Variants in SEMA3C observed in about 807,000 individuals in gnomAD.
SEMA3C encodes the protein semaphorin 3C, also known as semaphorin-3C.
A neutral mutation model predicts 89.4 loss-of-function variants in SEMA3C; 47 were observed. The observed-to-expected ratio is 0.53, with a 90% CI of 0.42 to 0.67. The LOEUF (loss-of-function observed/expected upper bound fraction) is 0.67. Ranked by LOEUF, SEMA3C falls within the 30% of genes least tolerant of loss-of-function variation. The probability of loss-of-function intolerance (pLI) is 0.00; values close to 1 mark genes in which losing one functional copy is unlikely to be tolerated. For synonymous variants in SEMA3C, 310 were observed against 320.2 expected (o/e 0.97, Z 0.34); for missense variants, 839 against 929.1 (o/e 0.90, Z 1.26).
At chr7:80,899,773 A>G (rs976455934) in intron 2 of SEMA3C, among the ~76,000 whole-genome samples, 4 of 152,212 alleles carry the variant, frequency 2.6e-5, no homozygotes, top group African/African-American at 9.6e-5. Flanking sequence ...AAGACTGTCA[A>G]CTGAAGTCTA....
chr7:80,881,322 G>GT, intron 2 of SEMA3C, among the ~76,000 whole-genome samples: 1 of 152,058 alleles, frequency 6.6e-6, no homozygotes, highest in Non-Finnish European at 1.5e-5. Context: ...CTCTTAGCTG[G>GT]TTTTTTGTCA....
chr7:80,906,237 T>C (rs1792013023), intron 2 of SEMA3C, among the ~76,000 whole-genome samples: 1 of 152,224 alleles, frequency 6.6e-6, no homozygotes, highest in African/African-American at 2.4e-5. Flanking sequence ...TCTTTAGTTA[T>C]TAAAAATCTA....
chr7:80,847,939 T>A (rs1790428218), intron 2 of SEMA3C, among the ~76,000 whole-genome samples: 1 of 152,218 alleles, frequency 6.6e-6, no homozygotes. Flanking sequence ...ATTGGTCTTT[T>A]CTGATTTCAA....
intron 17 of SEMA3C, among the ~76,000 whole-genome samples, chr7:80,746,748 G>GTGTGT (rs1173019981): frequency 6.2e-5 from 1 of 16,072 alleles, no homozygotes; most frequent in South Asian, 2.2e-3. Context: ...TGTGTGTGTG[G>GTGTGT]AGGGGAGGAA....
chr7:80,868,488 C>T (rs750421555), intron 2 of SEMA3C, among the ~76,000 whole-genome samples: 6 of 152,090 alleles, frequency 3.9e-5, no homozygotes, highest in African/African-American at 7.2e-5. Flanking sequence ...AGGCTGGTCT[C>T]GAACTCCTGA....
intron 2 of SEMA3C, among the ~76,000 whole-genome samples, chr7:80,862,021 A>G (rs917521388): frequency 5.3e-5 from 8 of 152,182 alleles, no homozygotes; most frequent in Non-Finnish European, 1.0e-4. Flanking sequence ...CATGCCATCT[A>G]AGAAATGGAA....
At chr7:80,826,114 A>G (rs537770079) in intron 4 of SEMA3C, among the ~76,000 whole-genome samples, 1 of 152,122 alleles carries the variant, frequency 6.6e-6, no homozygotes. Context: ...CCCTGCCTTG[A>G]GCCAAAAACT....
At chr7:80,750,007 T>C (rs1301204050) in intron 16 of SEMA3C, among the ~76,000 whole-genome samples, 3 of 152,094 alleles carry the variant, frequency 2.0e-5, no homozygotes, top group African/African-American at 7.2e-5. Flanking sequence ...CTCAACTAGA[T>C]GTATGGAACA....
intron 2 of SEMA3C, among the ~76,000 whole-genome samples, chr7:80,912,551 G>C (rs1792178118): frequency 1.3e-5 from 2 of 152,130 alleles, no homozygotes; most frequent in South Asian, 2.1e-4. Flanking sequence ...ACTCTCACAA[G>C]GGGGAGAGTA....
chr7:80,809,444 G>A (rs1323987404), intron 6 of SEMA3C, among the ~76,000 whole-genome samples: 1 of 152,144 alleles, frequency 6.6e-6, no homozygotes, highest in Non-Finnish European at 1.5e-5. Flanking sequence ...ATACCCAGAA[G>A]AGGAAATGCT....
chr7:80,901,100 A>G (rs531810235), intron 2 of SEMA3C, among the ~76,000 whole-genome samples: 1 of 152,338 alleles, frequency 6.6e-6, no homozygotes, highest in South Asian at 2.1e-4. Context: ...GAATTACTGC[A>G]TCTAATTTTG....
intron 2 of SEMA3C, among the ~76,000 whole-genome samples, chr7:80,829,848 T>C (rs1237370839): frequency 6.6e-6 from 1 of 152,214 alleles, no homozygotes; most frequent in Non-Finnish European, 1.5e-5. Flanking sequence ...TTTGTTCTTT[T>C]GATTATAATC....
chr7:80,809,154 G>T (rs868332920), intron 6 of SEMA3C, among the ~76,000 whole-genome samples: 3 of 152,088 alleles, frequency 2.0e-5, no homozygotes, highest in Non-Finnish European at 4.4e-5. Context: ...AATGACTGAG[G>T]TTTAAAAATC....
At chr7:80,836,602 T>C (rs1013579761) in intron 2 of SEMA3C, among the ~76,000 whole-genome samples, 7 of 152,180 alleles carry the variant, frequency 4.6e-5, no homozygotes, top group African/African-American at 1.4e-4. Context: ...TGCTTGAACC[T>C]GTGAGGCGGA....
chr7:80,894,556 T>C (rs1791689658), intron 2 of SEMA3C, among the ~76,000 whole-genome samples: 1 of 152,200 alleles, frequency 6.6e-6, no homozygotes, highest in Non-Finnish European at 1.5e-5. Context: ...CCCAGTCTGA[T>C]GCATTAGCAC....
At chr7:80,799,750 C>T (rs112583771) in intron 10 of SEMA3C, among the ~76,000 whole-genome samples, 1 of 151,540 alleles carries the variant, frequency 6.6e-6, no homozygotes, top group Non-Finnish European at 1.5e-5. Flanking sequence ...GCTACTTAGG[C>T]GACCGAGGCA....
intron 4 of SEMA3C, among the ~76,000 whole-genome samples, chr7:80,824,274 C>A (rs1291616639): frequency 1.3e-5 from 2 of 152,050 alleles, no homozygotes; most frequent in Admixed American, 1.3e-4. Flanking sequence ...AAATATACTT[C>A]TAAAATATAT....
At chr7:80,880,781 C>T (rs1027524951) in intron 2 of SEMA3C, among the ~76,000 whole-genome samples, 2 of 151,950 alleles carry the variant, frequency 1.3e-5, no homozygotes, top group Non-Finnish European at 2.9e-5. Context: ...AAAAATTAGC[C>T]GGGCGTGCTG....
chr7:80,834,335 C>A (rs1460209072), intron 2 of SEMA3C, among the ~76,000 whole-genome samples: 1 of 152,108 alleles, frequency 6.6e-6, no homozygotes, highest in Non-Finnish European at 1.5e-5. Flanking sequence ...ACCTAAAATT[C>A]ATGTATCTAC....
Sources: gnomAD v4.1 joint callset for allele counts (sites outside exome capture counted in the v4.1 genomes callset) on GRCh38, gnomAD v4.1.1 for gene constraint, MANE v1.5 for transcripts, NCBI Gene and HGNC (gene_info 2026-07-23, HGNC 2026-07-21) for gene names.